MYO16: variants seen among roughly 807,000 people sequenced by gnomAD.
MYO16 encodes myosin XVI.
Under a neutral mutation model 205.3 loss-of-function variants are expected in MYO16, and 94 were observed. The ratio of observed to expected loss-of-function variants is 0.46; its 90% CI spans 0.39 to 0.54. The LOEUF is 0.54. MYO16 is among the 20% of genes least tolerant of loss of function. The pLI is 0.00. For synonymous variants in MYO16, 988 were observed against 954.0 expected (o/e 1.04, Z -0.66); for missense variants, 2,315 against 2,387.5 (o/e 0.97, Z 0.63).
chr13:108,670,437 A>G (rs1018592994), intron 2 of MYO16, among the ~76,000 whole-genome samples: 2 of 152,170 alleles, frequency 1.3e-5, no homozygotes, highest in African/African-American at 4.8e-5. Flanking sequence ...AGAATGGCAG[A>G]TGTGGTATGA....
At chr13:108,850,434 C>T (rs536211900) in intron 10 of MYO16, among the ~76,000 whole-genome samples, 1 of 152,316 alleles carries the variant, frequency 6.6e-6, no homozygotes, top group Non-Finnish European at 1.5e-5. Context: ...TGAATTCTTC[C>T]TTGTCTTCTA....
At chr13:109,143,705 AATTTT>A (rs1877203440) in intron 32 of MYO16, among the ~76,000 whole-genome samples, 1 of 152,220 alleles carries the variant, frequency 6.6e-6, no homozygotes, top group African/African-American at 2.4e-5. Context: ...TAAATTTGCT[AATTTT>A]ATTTCCCTGT....
chr13:108,967,641 A>G (rs1169682900), intron 20 of MYO16, among the ~76,000 whole-genome samples: 2 of 152,248 alleles, frequency 1.3e-5, no homozygotes, highest in East Asian at 3.8e-4. Flanking sequence ...AATTTTATTT[A>G]TTAGGCTTAG....
At chr13:108,738,628 A>G (rs1884789542) in intron 4 of MYO16, among the ~76,000 whole-genome samples, 1 of 152,146 alleles carries the variant, frequency 6.6e-6, no homozygotes, top group Non-Finnish European at 1.5e-5. Context: ...TTCGGGGTGA[A>G]GAGTTCTGTA....
chr13:108,898,261 C>T lies in MYO16; in HGVS notation c.1777+128C>T, dbSNP rs922849395. On this transcript the variant is annotated intron_variant, in intron 15 of 34. Transcript: ENST00000457511. ...GGAGAGAAAACCTATTCTTCATGACCGTGTCTGGAAACAGCTTAAGATACT... is the reference window on the plus strand; with the variant it reads ...GGAGAGAAAACCTATTCTTCATGACTGTGTCTGGAAACAGCTTAAGATACT... The T allele has an allele frequency of 1.4e-4, 106 of 732,180 alleles. No individual in the cohort carries two copies. In the Admixed American group the frequency reaches 1.9e-3, roughly 13 times the overall value. 45.4% of individuals were successfully genotyped at this position (732,180 alleles called of 1,614,324 possible).
chr13:108,591,640 GA>G (rs923446644), upstream of MYO16, among the ~76,000 whole-genome samples: 9 of 151,154 alleles, frequency 6.0e-5, no homozygotes, highest in African/African-American at 2.2e-4. Context: ...ATGTGCTTTA[GA>G]AAAAAAAAGT....
chr13:108,862,526 C>A (rs1878494548), intron 11 of MYO16, among the ~76,000 whole-genome samples: 1 of 152,140 alleles, frequency 6.6e-6, no homozygotes, highest in Non-Finnish European at 1.5e-5. Flanking sequence ...GCACCTTTGT[C>A]CTAAACAGGT....
chr13:108,923,226 C>T (rs1345859576), intron 16 of MYO16, among the ~76,000 whole-genome samples: 2 of 152,158 alleles, frequency 1.3e-5, no homozygotes, highest in South Asian at 2.1e-4. Context: ...ATCTTGTGCC[C>T]CAGTCCAAGG....
chr13:108,785,491 C>A (rs1018361545), intron 4 of MYO16, 144 bp from the exon 5 acceptor site: 26 of 473,462 alleles, frequency 5.5e-5, no homozygotes, highest in Non-Finnish European at 7.7e-5. Context: ...AAAAATAATT[C>A]GAGCTTCCTA....
intron 14 of MYO16, among the ~76,000 whole-genome samples, chr13:108,896,941 A>G (rs1880444029): frequency 2.0e-5 from 3 of 152,074 alleles, no homozygotes; most frequent in Non-Finnish European, 1.5e-5. Flanking sequence ...CACTGCAGTG[A>G]GCCGAGATCA....
the MYO16 span, among the ~76,000 whole-genome samples, chr13:108,554,847 CTAAAAAAA>C: frequency 2.3e-5 from 1 of 43,588 alleles, no homozygotes; most frequent in Admixed American, 3.5e-4. Flanking sequence ...GAGACTCTGA[CTAAAAAAA>C]AAAAAAAAAA....
chr13:108,977,713 A>T (rs1055550690), intron 20 of MYO16, among the ~76,000 whole-genome samples: 6 of 151,976 alleles, frequency 3.9e-5, no homozygotes, highest in African/African-American at 1.5e-4. Flanking sequence ...ATGTTTCTTT[A>T]CCCCTCTCTA....
chr13:108,624,034 A>G (rs530880085), intron 1 of MYO16, among the ~76,000 whole-genome samples: 4 of 152,330 alleles, frequency 2.6e-5, no homozygotes, highest in African/African-American at 9.6e-5. Context: ...GTGTGATTAA[A>G]TTGTAAATAA....
intron 20 of MYO16, among the ~76,000 whole-genome samples, chr13:108,973,893 TC>T (rs1884150586): frequency 6.6e-6 from 1 of 152,072 alleles, no homozygotes; most frequent in South Asian, 2.1e-4. Flanking sequence ...GGAAAAATAT[TC>T]CATATAGAGA....
At chr13:108,854,160 A>AT (rs1422601077) in intron 10 of MYO16, among the ~76,000 whole-genome samples, 6 of 151,542 alleles carry the variant, frequency 4.0e-5, no homozygotes, top group South Asian at 2.1e-4. Context: ...TGCCCGGCTA[A>AT]TTTTTTTTGT....
chr13:108,918,495 A>C (rs1413138458), intron 16 of MYO16, among the ~76,000 whole-genome samples: 5 of 152,248 alleles, frequency 3.3e-5, no homozygotes. Flanking sequence ...GAGGTTAAGT[A>C]GCAGCCTGCT....
intron 1 of MYO16, among the ~76,000 whole-genome samples, chr13:108,663,929 A>T (rs1053634547): frequency 1.4e-4 from 21 of 152,188 alleles, no homozygotes; most frequent in Non-Finnish European, 3.1e-4. Context: ...TCAATCAATC[A>T]AGCCCTGTGC....
At chr13:109,076,222 C>T (rs1337880200) in intron 27 of MYO16, among the ~76,000 whole-genome samples, 2 of 152,058 alleles carry the variant, frequency 1.3e-5, no homozygotes, top group Non-Finnish European at 2.9e-5. Flanking sequence ...CTGTTGTTTT[C>T]TGTTCAAACA....
intron 1 of MYO16, among the ~76,000 whole-genome samples, chr13:108,643,025 C>T (rs1015418521): frequency 5.3e-5 from 8 of 151,980 alleles, no homozygotes; most frequent in Non-Finnish European, 1.0e-4. Flanking sequence ...AATTTACATA[C>T]AGAACTTATT....
Sources: allele counts gnomAD v4.1 joint callset (sites outside exome capture counted in the v4.1 genomes callset), GRCh38; gene constraint gnomAD v4.1.1; transcripts MANE v1.5; gene names NCBI Gene and HGNC (gene_info 2026-07-23, HGNC 2026-07-21).